Variants in STX11 observed in about 807,000 individuals in gnomAD.
STX11 encodes the protein syntaxin 11.
STX11 carries 21 observed loss-of-function variants against 19.9 expected under a neutral mutation model. That is an observed-to-expected ratio of 1.06 (90% confidence interval 0.75 to 1.52). STX11 has a LOEUF of 1.52. Ranked by LOEUF, STX11 falls within the 40% of genes most tolerant of loss-of-function variation. The probability of loss-of-function intolerance (pLI) is 0.00; values close to 1 mark genes in which losing one functional copy is unlikely to be tolerated. For synonymous variants in STX11, 193 were observed against 174.4 expected (o/e 1.11, Z -0.84); for missense variants, 438 against 405.9 (o/e 1.08, Z -0.68).
In STX11 at chr6:144,150,692, C is replaced by G. The variant is rs1800980777; in HGVS notation, c.-17C>G. Reference sequence around the variant, plus strand: ...AGGGGCTTCTCGGTTCGCACTCTCGCTCCCAGTCCAGGTTTGTTTTTCTCT... The same window carrying G: ...AGGGGCTTCTCGGTTCGCACTCTCGGTCCCAGTCCAGGTTTGTTTTTCTCT... On this transcript the variant is annotated 5_prime_UTR_variant, in exon 1 of 2. Transcript: ENST00000367568. 1.0e-6 allele frequency: 1 copy of G among 985,216 alleles called. No homozygotes were observed. Among genetic ancestry groups the G allele is most frequent in the Non-Finnish European group, 1.2e-6 (1 of 829,962 alleles). 61.0% of individuals were successfully genotyped at this position (985,216 alleles called of 1,614,324 possible). A position where few individuals can be genotyped will look rare whatever the true frequency, so the allele number is the denominator to read the frequency against.
At chr6:144,179,449 G>T (rs1439812930) in intron 1 of STX11, among the ~76,000 whole-genome samples, 1 of 152,234 alleles carries the variant, frequency 6.6e-6, no homozygotes, top group African/African-American at 2.4e-5. Flanking sequence ...TCCATTTGTT[G>T]TTCTTTAAGG....
chr6:144,154,937 A>G lies in STX11; in HGVS notation c.-6+4234A>G, dbSNP rs1584013376. Among the ~76,000 whole-genome samples, 2 of 151,808 alleles carry G rather than the reference A, an allele frequency of 1.3e-5. No homozygotes were observed. Among genetic ancestry groups the G allele is most frequent in the South Asian group, 2.1e-4 (1 of 4,816 alleles). Reference sequence around the variant, plus strand: ...AGTATTTTGACCAACAACCCTGTCCACCCGCCCCCACCGCCTCCAAAAAAA... The same window carrying G: ...AGTATTTTGACCAACAACCCTGTCCGCCCGCCCCCACCGCCTCCAAAAAAA... On this transcript the variant is annotated intron_variant, in intron 1 of 1. Transcript: ENST00000367568. The surrounding 1 kb of genome is among the most constrained non-coding windows in gnomAD (Gnocchi z 4.7).
the STX11 span, among the ~76,000 whole-genome samples, chr6:144,140,150 A>G: frequency 7.1e-6 from 1 of 141,730 alleles, no homozygotes; most frequent in Non-Finnish European, 1.5e-5. Flanking sequence ...TGTCCTTTGA[A>G]TCGGTGAGTT....
Position 144,150,588 on chromosome 6 carries a change from G to T in STX11, c.-121G>T, listed in dbSNP as rs1290001737. On this transcript the variant is annotated 5_prime_UTR_variant, in exon 1 of 2. An upstream open reading frame in the 5' UTR gains an earlier in-frame stop. Coordinates refer to ENST00000367568, the MANE Select transcript of STX11 (RefSeq NM_003764.4). Reference sequence around the variant, plus strand: ...CAGCCTCGGCCGCAGGAGGCGCCGGGAGCGGAGCCGCCGGGAGTCGCGCAA... The same window carrying T: ...CAGCCTCGGCCGCAGGAGGCGCCGGTAGCGGAGCCGCCGGGAGTCGCGCAA... The T allele has an allele frequency of 3.7e-5, 36 of 985,316 alleles. No individual in the cohort carries two copies. The highest frequency in any genetic ancestry group is 4.3e-5 in the Non-Finnish European group (36 of 829,936). The allele number at this position is 985,316 out of a possible 1,614,324, so 61.0% of individuals were successfully genotyped here. A position where few individuals can be genotyped will look rare whatever the true frequency, so the allele number is the denominator to read the frequency against.
chr6:144,181,901 G>A (rs1333916089), intron 1 of STX11, among the ~76,000 whole-genome samples: 1 of 152,126 alleles, frequency 6.6e-6, no homozygotes, highest in Non-Finnish European at 1.5e-5. Flanking sequence ...TTTCAGTACA[G>A]ATTATATGCA....
rs1801127559 is a variant in STX11, at chr6:144,155,946, CTT to C, written c.-6+5245_-6+5246del. On this transcript the variant is annotated intron_variant, in intron 1 of 1. Transcript: ENST00000367568. This position sits in a 1 kb window ranked among gnomAD's most constrained non-coding sequence, Gnocchi z 4.5. ...AAATGTGTTTTAAAATTTAATCTTTCTTTCTTTCTTTCTTTCTTTCTTTCTTT... is the reference window on the plus strand; with the variant it reads ...AAATGTGTTTTAAAATTTAATCTTTCTCTTTCTTTCTTTCTTTCTTTCTTT... Among the ~76,000 whole-genome samples the C allele has an allele frequency of 8.4e-5, 2 of 23,872 alleles. No homozygotes were observed. Among genetic ancestry groups the C allele is most frequent in the Non-Finnish European group, 3.4e-4 (2 of 5,962 alleles). The allele number at this position is 23,872 out of a possible 152,430, so 15.7% of individuals were successfully genotyped here.
At chr6:144,168,827 C>A (rs548402929) in intron 1 of STX11, among the ~76,000 whole-genome samples, 29 of 152,340 alleles carry the variant, frequency 1.9e-4, no homozygotes, top group African/African-American at 6.3e-4. Context: ...TTATTTAATC[C>A]TCATTGATCT....
At chr6:144,150,398 CG>C (rs1800966492), upstream of STX11, 2 of 757,972 alleles carry the variant, frequency 2.6e-6, no homozygotes, top group Non-Finnish European at 3.2e-6. Context: ...CTGGGTGGGG[CG>C]GGAACCCGCG....
At chr6:144,146,532 G>A (rs550185315), upstream of STX11, among the ~76,000 whole-genome samples, 3 of 152,228 alleles carry the variant, frequency 2.0e-5, no homozygotes, top group East Asian at 3.9e-4. The surrounding 1 kb of genome is among the most constrained non-coding windows in gnomAD (Gnocchi z 4.4). Flanking sequence ...GGCTGGTCTT[G>A]AACTGCCAAC....
In STX11 at chr6:144,174,614, C is replaced by T. The variant is rs1029247563; in HGVS notation, c.-5-12009C>T. On this transcript the variant is annotated intron_variant, in intron 1 of 1. Coordinates refer to ENST00000367568, the MANE Select transcript of STX11 (RefSeq NM_003764.4). This position sits in a 1 kb window ranked among gnomAD's most constrained non-coding sequence, Gnocchi z 5.3. ...AACTCCTGGGCACAAGCGATCCACCCGCCTTGGCCTCCCAAGCCAGGATTA... is the reference window on the plus strand; with the variant it reads ...AACTCCTGGGCACAAGCGATCCACCTGCCTTGGCCTCCCAAGCCAGGATTA... 1.3e-5 allele frequency among the ~76,000 whole-genome samples: 2 copies of T among 152,090 alleles called. No homozygotes were observed.
intron 1 of STX11, among the ~76,000 whole-genome samples, chr6:144,171,748 A>G (rs1479713820): frequency 6.6e-6 from 1 of 151,930 alleles, no homozygotes; most frequent in Admixed American, 6.6e-5. Context: ...CGTAAGTATG[A>G]CCACAGTCTT....
the STX11 span, among the ~76,000 whole-genome samples, chr6:144,145,198 T>C: frequency 6.6e-6 from 1 of 152,352 alleles, no homozygotes; most frequent in Admixed American, 6.5e-5. Flanking sequence ...ATACATACAA[T>C]GAGTTATTAC....
rs1801571052 is a variant in STX11 at position 144,169,531 on chromosome 6, C to T, written c.-5-17092C>T. On this transcript the variant is annotated intron_variant, in intron 1 of 1. Transcript: ENST00000367568. The surrounding 1 kb of genome is among the most constrained non-coding windows in gnomAD (Gnocchi z 5.2). ...TTATGGCCAGCATACCATTAAATGG[C>T]ATGTGTTCAGTGTAAGGCTGATGGA... Among the ~76,000 whole-genome samples the T allele has an allele frequency of 6.6e-6, 1 of 152,162 alleles. No homozygotes were observed. Among genetic ancestry groups the T allele is most frequent in the African/African-American group, 2.4e-5 (1 of 41,438 alleles).
chr6:144,185,569 A>G (rs1023845751), intron 1 of STX11, among the ~76,000 whole-genome samples: 7 of 152,214 alleles, frequency 4.6e-5, no homozygotes, highest in African/African-American at 1.7e-4. Flanking sequence ...CCTTGTAAAA[A>G]CATGAACATT....
In STX11 at chr6:144,152,698, A is replaced by G. The variant is rs571308127; in HGVS notation, c.-6+1995A>G. Among the ~76,000 whole-genome samples, 1 of 152,162 alleles carries G rather than the reference A, an allele frequency of 6.6e-6. No individual in the cohort carries two copies. The highest frequency in any genetic ancestry group is 6.5e-5 in the Admixed American group (1 of 15,284). On this transcript the variant is annotated intron_variant, in intron 1 of 1. Coordinates refer to ENST00000367568, the MANE Select transcript of STX11 (RefSeq NM_003764.4). This position sits in a 1 kb window ranked among gnomAD's most constrained non-coding sequence, Gnocchi z 4.9. ...CCCCAGGCTGGAGTGTGGTGGTGCA[A>G]TCTTGGCTCACTGCAACCTCCACCT...
rs1015533351 is a variant in STX11 at position 144,169,943 on chromosome 6, A to C, written c.-5-16680A>C. Among the ~76,000 whole-genome samples, 13 of 152,036 alleles carry C rather than the reference A, an allele frequency of 8.6e-5. No homozygotes were observed. The highest frequency in any genetic ancestry group is 3.1e-4 in the African/African-American group (13 of 41,394). ...TCCTCCTGCCTTGGCCTCCCAACAC[A>C]CTGAGATTACAGGTGTGAGCCACCA... On this transcript the variant is annotated intron_variant, in intron 1 of 1. Transcript: ENST00000367568. The surrounding 1 kb of genome is among the most constrained non-coding windows in gnomAD (Gnocchi z 5.2).
At chr6:144,140,231 TA>T in the STX11 span, among the ~76,000 whole-genome samples, 1 of 45,806 alleles carries the variant, frequency 2.2e-5, no homozygotes, top group African/African-American at 1.4e-4. Flanking sequence ...TATATATATA[TA>T]TATATATATA....
chr6:144,148,753 T>C (rs896308227), upstream of STX11, among the ~76,000 whole-genome samples: 8 of 152,208 alleles, frequency 5.3e-5, no homozygotes, highest in South Asian at 2.1e-4. Context: ...TTTCAGACTT[T>C]CCTTATTTTA....
Position 144,187,318 on chromosome 6 carries a change from A to T in STX11, c.691A>T (p.Met231Leu), listed in dbSNP as rs1197769226. 6.2e-7 allele frequency: 1 copy of T among 1,611,612 alleles called. No individual in the cohort carries two copies. Among genetic ancestry groups the T allele is most frequent in the Admixed American group, 1.7e-5 (1 of 60,014 alleles). Residue 231 changes from methionine to leucine, a missense_variant, in exon 2 of 2, where the codon ATG becomes TTG. Coordinates refer to ENST00000367568, the MANE Select transcript of STX11 (RefSeq NM_003764.4). The surrounding 1 kb of genome is among the most constrained non-coding windows in gnomAD (Gnocchi z 5.6). ...CGACGTACACGAGCTCTTCTTGCAGATGGCGGTGCTGGTGGAGAAGCAGGC... is the reference window on the plus strand; with the variant it reads ...CGACGTACACGAGCTCTTCTTGCAGTTGGCGGTGCTGGTGGAGAAGCAGGC... ...IRDVHELFLQ[M>L]AVLVEKQADT...
Sources: allele counts gnomAD v4.1 joint callset (sites outside exome capture counted in the v4.1 genomes callset), GRCh38; gene constraint gnomAD v4.1.1; non-coding constraint Gnocchi (gnomAD v3.1); transcripts MANE v1.5; gene names NCBI Gene and HGNC (gene_info 2026-07-23, HGNC 2026-07-21).